The following PTPRK variants were observed in gnomAD, a reference collection of about 807,000 sequenced individuals.
The protein encoded by PTPRK is receptor-type tyrosine-protein phosphatase kappa.
In PTPRK, 75 loss-of-function variants were observed where a neutral mutation model predicts 178.0. The observed-to-expected ratio is 0.42, with a 90% confidence interval of 0.35 to 0.51. The LOEUF is 0.51. Ranked by LOEUF, PTPRK falls within the 20% of genes least tolerant of loss-of-function variation. PTPRK has a pLI of 0.02. For synonymous variants in PTPRK, 637 were observed against 620.6 expected, an observed-to-expected ratio of 1.03 and a Z score of -0.39; for missense variants, 1,441 against 1,797.8, an observed-to-expected ratio of 0.80 and a Z score of 3.59.
chr6:128,234,509 G>A (rs879405208), intron 5 of PTPRK, among the ~76,000 whole-genome samples: 1 of 152,150 alleles, frequency 6.6e-6, no homozygotes, highest in Non-Finnish European at 1.5e-5. Flanking sequence ...GGCAACAAGT[G>A]TTCTGATTTC....
At chr6:128,463,653 AG>A (rs1216009841) in intron 1 of PTPRK, among the ~76,000 whole-genome samples, 1 of 151,692 alleles carries the variant, frequency 6.6e-6, no homozygotes, top group African/African-American at 2.4e-5. Flanking sequence ...TATAGCTATT[AG>A]GAAGTGAGAA....
At chr6:128,507,182 T>C (rs566074915) in intron 1 of PTPRK, among the ~76,000 whole-genome samples, 1 of 152,282 alleles carries the variant, frequency 6.6e-6, no homozygotes, top group South Asian at 2.1e-4. Context: ...GAGATCAGCA[T>C]TTGATAAGTA....
chr6:127,973,120 C>T lies in PTPRK; in HGVS notation c.4171G>A (p.Gly1391Ser). 1 of 1,613,938 alleles carries T rather than the reference C, an allele frequency of 6.2e-7. No homozygotes were observed. Among genetic ancestry groups the T allele is most frequent in the Non-Finnish European group, 8.5e-7 (1 of 1,179,930 alleles). Reference sequence around the variant, plus strand: ...CGTTTCACCATTTCAACAACGATGCCTATAGCACAGAACATGCCACTTCGC... The same window carrying T: ...CGTTTCACCATTTCAACAACGATGCTTATAGCACAGAACATGCCACTTCGC... ...GGRSGMFCAI[G>S]IVVEMVKRQN... Residue 1391 changes from glycine (G) to serine (S), a missense_variant, in exon 29 of 30, where the codon GGC becomes AGC. By Grantham distance (56) the Gly-to-Ser change is moderately conservative. Coordinates refer to ENST00000368226, the MANE Select transcript of PTPRK (RefSeq NM_002844.4).
At chr6:128,488,199 G>C (rs1360489458) in intron 1 of PTPRK, among the ~76,000 whole-genome samples, 2 of 152,142 alleles carry the variant, frequency 1.3e-5, no homozygotes, top group Non-Finnish European at 2.9e-5. Context: ...TGATGTTCAA[G>C]GGCAGGAAGC....
intron 29 of PTPRK, 32 bp downstream of exon 29, chr6:127,972,990 A>T (rs1437274471): frequency 5.6e-6 from 9 of 1,605,492 alleles, no homozygotes; most frequent in Non-Finnish European, 7.7e-6. Flanking sequence ...AATCTCTAAG[A>T]TGCCTTCCAA....
At chr6:128,447,136 T>A (rs534447617) in intron 1 of PTPRK, among the ~76,000 whole-genome samples, 1 of 152,308 alleles carries the variant, frequency 6.6e-6, no homozygotes, top group South Asian at 2.1e-4. Context: ...CTCTATGAAA[T>A]CATTACCAAC....
At chr6:128,454,752 C>T (rs1848196898) in intron 1 of PTPRK, among the ~76,000 whole-genome samples, 1 of 138,790 alleles carries the variant, frequency 7.2e-6, no homozygotes, top group African/African-American at 2.7e-5. Flanking sequence ...GTATCATTTA[C>T]CTTCTGTCTG....
At chr6:128,247,714 G>C (rs1444542118) in intron 3 of PTPRK, among the ~76,000 whole-genome samples, 1 of 152,174 alleles carries the variant, frequency 6.6e-6, no homozygotes, top group Non-Finnish European at 1.5e-5. Flanking sequence ...GATTAAATGA[G>C]ATAATGCACA....
intron 1 of PTPRK, among the ~76,000 whole-genome samples, chr6:128,467,363 T>C (rs578074194): frequency 1.3e-5 from 2 of 152,204 alleles, no homozygotes; most frequent in African/African-American, 2.4e-5. Context: ...AAATATCACA[T>C]ACAAAAAGAA....
chr6:128,519,384 C>T lies in PTPRK; in HGVS notation c.100+875G>A, dbSNP rs1246855476. On this transcript the variant is annotated intron_variant, in intron 1 of 29. Coordinates refer to ENST00000368226, the MANE Select transcript of PTPRK (RefSeq NM_002844.4). The surrounding 1 kb of genome is among the most constrained non-coding windows in gnomAD (Gnocchi z 4.3). The stretch of plus-strand genomic sequence containing the variant: ...GAACCCCCAGGGCTACAGCGAGACG[C>T]TCCACTTGTCTCCTTTTGGGTTCTC... 6.6e-6 allele frequency among the ~76,000 whole-genome samples: 1 copy of T among 152,208 alleles called. No homozygotes were observed. The highest frequency in any genetic ancestry group is 1.5e-5 in the Non-Finnish European group (1 of 68,036).
chr6:128,107,109 A>C (rs1262316201), intron 7 of PTPRK, among the ~76,000 whole-genome samples: 1 of 152,138 alleles, frequency 6.6e-6, no homozygotes, highest in Non-Finnish European at 1.5e-5. Flanking sequence ...CTGATAAATA[A>C]CCAAAATTAA....
chr6:128,232,015 G>A (rs1318545767), intron 5 of PTPRK: 2 of 152,178 alleles, frequency 1.3e-5, no homozygotes, highest in Non-Finnish European at 2.9e-5. Context: ...TGACTGTACT[G>A]AGAACAGAAG....
chr6:128,129,063 C>A (rs1477809535), intron 7 of PTPRK, among the ~76,000 whole-genome samples: 1 of 152,168 alleles, frequency 6.6e-6, no homozygotes, highest in Non-Finnish European at 1.5e-5. Context: ...ATGTGAACCA[C>A]GATTTGTACA....
intron 6 of PTPRK, among the ~76,000 whole-genome samples, chr6:128,206,296 A>G (rs1283557697): frequency 1.3e-5 from 2 of 151,736 alleles, no homozygotes; most frequent in East Asian, 1.9e-4. Flanking sequence ...TTATTTTAGT[A>G]TATCAGAAAC....
chr6:128,442,967 G>A (rs979767300), intron 1 of PTPRK, among the ~76,000 whole-genome samples: 4 of 151,930 alleles, frequency 2.6e-5, no homozygotes, highest in South Asian at 2.1e-4. Context: ...TTGGTGAAGC[G>A]CAAACATATG....
intron 3 of PTPRK, among the ~76,000 whole-genome samples, chr6:128,255,401 T>C (rs776196969): frequency 1.3e-5 from 2 of 152,152 alleles, no homozygotes; most frequent in East Asian, 1.9e-4. Flanking sequence ...TGGCAGTATC[T>C]AGTCATAAGT....
Position 127,984,889 on chromosome 6 carries a change from A to T in PTPRK, c.3251+832T>A, listed in dbSNP as rs1348686043. On this transcript the variant is annotated intron_variant, in intron 22 of 29. Transcript: ENST00000368226. Reference sequence around the variant, plus strand: ...TTCAGGGTACATAGTATCTGATCCTATGGGACGTTTTACCTTTACTTCATT... The same window carrying T: ...TTCAGGGTACATAGTATCTGATCCTTTGGGACGTTTTACCTTTACTTCATT... 4.6e-5 allele frequency among the ~76,000 whole-genome samples: 7 copies of T among 152,238 alleles called. No individual in the cohort carries two copies. The East Asian group carries it at 1.4e-3, about 29-fold the overall frequency.
At chr6:127,971,348 G>T (rs1171327179) in intron 29 of PTPRK, among the ~76,000 whole-genome samples, 2 of 152,100 alleles carry the variant, frequency 1.3e-5, no homozygotes, top group Admixed American at 6.6e-5. Context: ...ATATTATTTT[G>T]GAATAGAAGT....
intron 3 of PTPRK, among the ~76,000 whole-genome samples, chr6:128,260,947 C>T (rs1818084449): frequency 6.6e-6 from 1 of 152,112 alleles, no homozygotes; most frequent in Non-Finnish European, 1.5e-5. Context: ...AACAAACATG[C>T]ATTTTCTTAG....
Sources: allele counts gnomAD v4.1 joint callset (sites outside exome capture counted in the v4.1 genomes callset), GRCh38; gene constraint gnomAD v4.1.1; non-coding constraint Gnocchi (gnomAD v3.1); transcripts MANE v1.5; gene names NCBI Gene and HGNC (gene_info 2026-07-23, HGNC 2026-07-21).